Variants in DNM2 observed in about 807,000 individuals in gnomAD.
DNM2 encodes the protein dynamin 2.
A neutral mutation model predicts 99.0 loss-of-function variants in DNM2; 15 were observed. The observed-to-expected ratio is 0.15, with a 90% CI of 0.10 to 0.23. DNM2 has a LOEUF of 0.23. Ranked by LOEUF, DNM2 falls within the 10% of genes least tolerant of loss-of-function variation. The pLI is 1.00. For missense variants in DNM2, 742 were observed against 1,189.4 expected (o/e 0.62, Z 5.53); for synonymous variants, 525 against 481.2 (o/e 1.09, Z -1.19).
At chr19:10,797,204 C>T (rs368800652) in intron 9 of DNM2, among the ~76,000 whole-genome samples, 176 bp from the exon 10 acceptor site, 11 of 152,056 alleles carry the variant, frequency 7.2e-5, no homozygotes, top group African/African-American at 2.4e-4. Flanking sequence ...CCCCCAAACC[C>T]CAGACCTCTT....
chr19:10,795,995 A>G lies in DNM2; in HGVS notation c.1196+556A>G. 6.2e-7 allele frequency: 1 copy of G among 1,609,798 alleles called. No individual in the cohort carries two copies. Among genetic ancestry groups the G allele is most frequent in the Non-Finnish European group, 8.5e-7 (1 of 1,179,642 alleles). ...TTGGGGACCCGGCCAGGGCCAATGA[A>G]ATTGCTGACCATGCTTTGTTTCTCT... On this transcript the variant is annotated intron_variant, in intron 9 of 20. Coordinates refer to ENST00000389253, the MANE Select transcript of DNM2 (RefSeq NM_001005361.3). This position sits in a 1 kb window ranked among gnomAD's most constrained non-coding sequence, Gnocchi z 4.2.
At chr19:10,737,376 C>T (rs1340386869) in intron 1 of DNM2, among the ~76,000 whole-genome samples, 2 of 152,144 alleles carry the variant, frequency 1.3e-5, no homozygotes, top group African/African-American at 4.8e-5. Flanking sequence ...AAGGCTCTCC[C>T]CCTGGCCACT....
intron 13 of DNM2, among the ~76,000 whole-genome samples, chr19:10,806,749 C>T (rs1007034351): frequency 6.6e-6 from 1 of 151,996 alleles, no homozygotes; most frequent in Admixed American, 6.6e-5. Flanking sequence ...GCCAAGATTG[C>T]GCCACCGCAC....
chr19:10,741,693 G>A (rs59426163), intron 1 of DNM2, among the ~76,000 whole-genome samples: 8,478 of 152,032 alleles, frequency 0.056, 589 homozygotes, highest in East Asian at 0.32. Flanking sequence ...GGGAGTACAG[G>A]TGTCCGCCAC....
chr19:10,751,184 G>A (rs2070181111), intron 1 of DNM2, among the ~76,000 whole-genome samples: 1 of 152,030 alleles, frequency 6.6e-6, no homozygotes. Context: ...AATGTCATTC[G>A]AGCGGAATCA....
intron 12 of DNM2, chr19:10,802,677 C>T (rs1198702627): frequency 6.9e-6 from 3 of 437,090 alleles, no homozygotes; most frequent in East Asian, 4.7e-5. Context: ...CTTCTCAGAG[C>T]CTTTAGCGAC....
rs199700849 is a variant in DNM2, at chr19:10,831,082, C to T, written c.*35C>T. On this transcript the variant is annotated 3_prime_UTR_variant, in exon 21 of 21. Coordinates refer to ENST00000389253, the MANE Select transcript of DNM2 (RefSeq NM_001005361.3). This position sits in a 1 kb window ranked among gnomAD's most constrained non-coding sequence, Gnocchi z 4.3. The stretch of plus-strand genomic sequence containing the variant: ...GGGGCGTGCTCTCGGGGGGGCCTCA[C>T]GCACCCGCGGCGCAGGAGCTTCAGT... 5.9e-5 allele frequency: 93 copies of T among 1,571,118 alleles called. No individual in the cohort carries two copies. In the Admixed American group the frequency reaches 9.4e-4, roughly 16 times the overall value.
At chr19:10,825,542 G>A (rs1337966997) in intron 18 of DNM2, among the ~76,000 whole-genome samples, 1 of 152,104 alleles carries the variant, frequency 6.6e-6, no homozygotes, top group Non-Finnish European at 1.5e-5. Context: ...GGTAGCTCAC[G>A]CCTGTAATCC....
At chr19:10,802,425 C>A in intron 12 of DNM2, 67 bp downstream of exon 12, 1 of 1,564,208 alleles carries the variant, frequency 6.4e-7, no homozygotes, top group Non-Finnish European at 8.8e-7. Context: ...AAGGAGGTGA[C>A]TGAGTTGGGA....
intron 9 of DNM2, 124 bp from the exon 10 acceptor site, chr19:10,797,256 C>A (rs1471482430): frequency 1.0e-5 from 14 of 1,398,672 alleles, no homozygotes; most frequent in Non-Finnish European, 1.3e-5. Context: ...GCGCAGGCTC[C>A]CCCATGCATG....
rs1437163153 is a variant in DNM2 at position 10,726,134 on chromosome 19, G to A, written c.161+7731G>A. Among the ~76,000 whole-genome samples, 8 of 151,764 alleles carry A rather than the reference G, an allele frequency of 5.3e-5. No homozygotes were observed. In the East Asian group the frequency reaches 1.6e-3, roughly 29 times the overall value. On this transcript the variant is annotated intron_variant, in intron 1 of 20. Transcript: ENST00000389253. ...CTCGGGAGGCTGAGGCAGGAGAATC[G>A]CTTGAACCTGGGAGGCGGAGGTTGC... is the stretch of plus-strand genomic sequence containing the variant.
chr19:10,782,372 C>T (rs6511713), intron 5 of DNM2, among the ~76,000 whole-genome samples: 141,189 of 150,728 alleles, frequency 0.94, 66,382 homozygotes, highest in East Asian at 1. Context: ...TTTTCTCTTT[C>T]TTTTTATTCA....
At chr19:10,810,210 G>GTGCC (rs2072493311) in intron 14 of DNM2, 2 of 153,712 alleles carry the variant, frequency 1.3e-5, no homozygotes, top group East Asian at 1.9e-4. Context: ...ACCGCCCCAT[G>GTGCC]TGCCTGCCTG....
rs562345392 is a variant in DNM2, at chr19:10,756,333, C to T, written c.162-3405C>T. Among the ~76,000 whole-genome samples the T allele has an allele frequency of 2.0e-5, 3 of 152,244 alleles. No individual in the cohort carries two copies. The East Asian group carries it at 5.8e-4, about 29-fold the overall frequency. ...CCCCTGCAGTATGTCTTCCTCGCACCCACCCCCGTCAGAATGTTGGCGCCA... is the reference window on the plus strand; with the variant it reads ...CCCCTGCAGTATGTCTTCCTCGCACTCACCCCCGTCAGAATGTTGGCGCCA... On this transcript the variant is annotated intron_variant, in intron 1 of 20. Coordinates refer to ENST00000389253, the MANE Select transcript of DNM2 (RefSeq NM_001005361.3).
chr19:10,751,719 C>T (rs1246702555), intron 1 of DNM2, among the ~76,000 whole-genome samples: 1 of 152,248 alleles, frequency 6.6e-6, no homozygotes, highest in Non-Finnish European at 1.5e-5. Context: ...CATGCGAGGC[C>T]CTCTGCGCCT....
chr19:10,791,750 T>C (rs1442633180), intron 7 of DNM2, among the ~76,000 whole-genome samples: 2 of 152,136 alleles, frequency 1.3e-5, no homozygotes, highest in Non-Finnish European at 2.9e-5. Flanking sequence ...TTTAGTGCTA[T>C]GCCTTTGCTG....
chr19:10,763,954 C>T (rs2070716518), intron 2 of DNM2, among the ~76,000 whole-genome samples: 1 of 151,810 alleles, frequency 6.6e-6, no homozygotes, highest in Non-Finnish European at 1.5e-5. Context: ...AGATGCCAGG[C>T]AGTCTAGACT....
chr19:10,744,862 G>A (rs1405844778), intron 1 of DNM2, among the ~76,000 whole-genome samples: 1 of 151,978 alleles, frequency 6.6e-6, no homozygotes, highest in Non-Finnish European at 1.5e-5. Flanking sequence ...ATGACACCGA[G>A]GACACCCCTA....
intron 2 of DNM2, among the ~76,000 whole-genome samples, chr19:10,766,237 G>A (rs2145884410): frequency 1.3e-5 from 2 of 152,330 alleles, no homozygotes; most frequent in African/African-American, 4.8e-5. Context: ...CTTAAGTAGT[G>A]CCAGCGGGCA....
Sources: allele counts gnomAD v4.1 joint callset (sites outside exome capture counted in the v4.1 genomes callset), GRCh38; gene constraint gnomAD v4.1.1; non-coding constraint Gnocchi (gnomAD v3.1); transcripts MANE v1.5; gene names NCBI Gene and HGNC (gene_info 2026-07-23, HGNC 2026-07-21).